Variants in AGPAT4 observed in about 807,000 individuals in gnomAD.
The protein encoded by AGPAT4 is 1-acylglycerol-3-phosphate O-acyltransferase 4.
Under a neutral mutation model 48.0 loss-of-function variants are expected in AGPAT4, and 15 were observed. That is an observed-to-expected ratio of 0.31 (90% CI 0.21 to 0.48). The LOEUF (loss-of-function observed/expected upper bound fraction) is 0.48, where lower values mean the gene tolerates loss of function less well. Among genes scored for constraint, AGPAT4 ranks in the 20% least tolerant of loss-of-function variants. The probability of loss-of-function intolerance (pLI) is 0.99; values close to 1 mark genes in which losing one functional copy is unlikely to be tolerated. For synonymous variants in AGPAT4, 178 were observed against 198.7 expected (o/e 0.90, Z 0.88); for missense variants, 314 against 482.5 (o/e 0.65, Z 3.27).
chr6:161,151,979 C>T (rs976614212), intron 5 of AGPAT4, among the ~76,000 whole-genome samples: 1 of 152,236 alleles, frequency 6.6e-6, no homozygotes, highest in Non-Finnish European at 1.5e-5. Flanking sequence ...CCCTCTGTGC[C>T]GCTGACCTTC....
rs141420974 is a variant in AGPAT4 at position 161,242,760 on chromosome 6, C to T, written c.-89-10458G>A. ...TTCCAAACAGGGGAAACGTCCACAA[C>T]ATTATATTCTGGTTAATAAGGAAAC... On this transcript the variant is annotated intron_variant, in intron 1 of 8. Transcript: ENST00000320285. The surrounding 1 kb of genome is among the most constrained non-coding windows in gnomAD (Gnocchi z 5.0). Among the ~76,000 whole-genome samples, 73 of 152,236 alleles carry T rather than the reference C, an allele frequency of 4.8e-4. No individual in the cohort carries two copies. Among genetic ancestry groups the T allele is most frequent in the Middle Eastern group, 3.4e-3 (1 of 294 alleles).
chr6:161,182,351 A>C (rs1481948620), intron 2 of AGPAT4, among the ~76,000 whole-genome samples: 2 of 115,254 alleles, frequency 1.7e-5, no homozygotes, highest in African/African-American at 6.8e-5. Flanking sequence ...CTATCCCCTC[A>C]CCCCAGCCCT....
intron 1 of AGPAT4, among the ~76,000 whole-genome samples, chr6:161,263,697 C>A (rs904768925): frequency 3.9e-5 from 6 of 152,108 alleles, no homozygotes; most frequent in Non-Finnish European, 8.8e-5. Context: ...AGATGGAGTC[C>A]AAATGAGGAT....
rs981392870 is a variant in AGPAT4 at position 161,236,042 on chromosome 6, T to C, written c.-89-3740A>G. 2.0e-5 allele frequency among the ~76,000 whole-genome samples: 3 copies of C among 152,120 alleles called. No individual in the cohort carries two copies. The highest frequency in any genetic ancestry group is 7.2e-5 in the African/African-American group (3 of 41,430). On this transcript the variant is annotated intron_variant, in intron 1 of 8. Transcript: ENST00000320285. The surrounding 1 kb of genome is among the most constrained non-coding windows in gnomAD (Gnocchi z 5.0). Reference sequence around the variant, plus strand: ...ATAAATATCTGGCCAGCGATGAAAATAGCTGGAGAGAAACATTTTAAAAAT... The same window carrying C: ...ATAAATATCTGGCCAGCGATGAAAACAGCTGGAGAGAAACATTTTAAAAAT...
rs772127747 is a variant in AGPAT4, at chr6:161,255,132, T to C, written c.-90+18806A>G. 1.3e-5 allele frequency among the ~76,000 whole-genome samples: 2 copies of C among 152,232 alleles called. No individual in the cohort carries two copies. The highest frequency in any genetic ancestry group is 2.4e-5 in the African/African-American group (1 of 41,464). The stretch of plus-strand genomic sequence containing the variant: ...ACCACCACAGGGCCCTGCTCCCAGC[T>C]ACTTCATCTTTCCCTGTAATACCTC... On this transcript the variant is annotated intron_variant, in intron 1 of 8. Coordinates refer to ENST00000320285, the MANE Select transcript of AGPAT4 (RefSeq NM_020133.3). The surrounding 1 kb of genome is among the most constrained non-coding windows in gnomAD (Gnocchi z 4.7).
chr6:161,182,623 G>A (rs1291454265), intron 2 of AGPAT4, among the ~76,000 whole-genome samples: 1 of 152,234 alleles, frequency 6.6e-6, no homozygotes, highest in Admixed American at 6.5e-5. Context: ...AGCCTGGAGT[G>A]CTCTCTGGAG....
intron 1 of AGPAT4, among the ~76,000 whole-genome samples, chr6:161,253,446 G>A (rs954933828): frequency 6.6e-6 from 1 of 151,244 alleles, no homozygotes; most frequent in Non-Finnish European, 1.5e-5. Flanking sequence ...AGTAGAGACG[G>A]GGTTTCACGG....
Position 161,154,066 on chromosome 6 carries a change from T to C in AGPAT4, c.510+83A>G. The C allele has an allele frequency of 6.4e-7, 1 of 1,553,252 alleles. No homozygotes were observed. Among genetic ancestry groups the C allele is most frequent in the South Asian group, 1.1e-5 (1 of 88,938 alleles). Reference sequence around the variant, plus strand: ...AGTCGCACAGGACCACACAGTCACGTGTCCTGTGGAAGTCACATGGGGGTC... The same window carrying C: ...AGTCGCACAGGACCACACAGTCACGCGTCCTGTGGAAGTCACATGGGGGTC... On this transcript the variant is annotated intron_variant, in intron 4 of 8. Transcript: ENST00000320285. The surrounding 1 kb of genome is among the most constrained non-coding windows in gnomAD (Gnocchi z 7.8).
At position 161,140,900 on chromosome 6, in the gene AGPAT4, CA is replaced by C. The variant is rs531024630; in HGVS notation, c.844-1281del. Among the ~76,000 whole-genome samples, 542 of 152,302 alleles carry C rather than the reference CA, an allele frequency of 3.6e-3. 3 individuals carry two copies. Among genetic ancestry groups the C allele is most frequent in the African/African-American group, 0.012 (513 of 41,556 alleles). ...AATGGGTGTGGGTCACAGTGAGGCC[CA>C]GTTTGTGTCCCATGAACTAGCCTAG... On this transcript the variant is annotated intron_variant, in intron 7 of 8. Transcript: ENST00000320285. This position sits in a 1 kb window ranked among gnomAD's most constrained non-coding sequence, Gnocchi z 6.5.
At position 161,261,296 on chromosome 6, in the gene AGPAT4, G is replaced by C. The variant is rs1465706844; in HGVS notation, c.-90+12642C>G. On this transcript the variant is annotated intron_variant, in intron 1 of 8. Transcript: ENST00000320285. This position sits in a 1 kb window ranked among gnomAD's most constrained non-coding sequence, Gnocchi z 5.3. ...AGTCCATGAGACAAACAACAGAAAAGACCCGGCACAGTCCTGGGCCACATG... is the reference window on the plus strand; with the variant it reads ...AGTCCATGAGACAAACAACAGAAAACACCCGGCACAGTCCTGGGCCACATG... Among the ~76,000 whole-genome samples, 5 of 152,250 alleles carry C rather than the reference G, an allele frequency of 3.3e-5. No homozygotes were observed. In the South Asian group the frequency reaches 8.3e-4, roughly 25 times the overall value.
chr6:161,152,518 G>A (rs1053534977), intron 5 of AGPAT4, among the ~76,000 whole-genome samples: 1 of 152,196 alleles, frequency 6.6e-6, no homozygotes, highest in Non-Finnish European at 1.5e-5. Context: ...GTCCTGGTAG[G>A]GGGTCAGCCA....
At chr6:161,199,898 C>T (rs1781178662) in intron 2 of AGPAT4, among the ~76,000 whole-genome samples, 1 of 152,164 alleles carries the variant, frequency 6.6e-6, no homozygotes, top group Admixed American at 6.5e-5. Context: ...CTCTTCATAG[C>T]AGTGTGAGAA....
Position 161,188,803 on chromosome 6 carries a change from G to A in AGPAT4, c.179-22386C>T, listed in dbSNP as rs557846104. Among the ~76,000 whole-genome samples the A allele has an allele frequency of 7.9e-5, 12 of 152,258 alleles. No homozygotes were observed. The South Asian group carries it at 1.0e-3, about 13-fold the overall frequency. On this transcript the variant is annotated intron_variant, in intron 2 of 8. Coordinates refer to ENST00000320285, the MANE Select transcript of AGPAT4 (RefSeq NM_020133.3). ...CCTCTGGGTTGAGCAGCCAGCGGCC[G>A]TCGAATGGGGCTTCCGTAAACATCA...
At chr6:161,269,089 GT>G (rs1783349915) in intron 1 of AGPAT4, among the ~76,000 whole-genome samples, 4 of 152,186 alleles carry the variant, frequency 2.6e-5, no homozygotes, top group Non-Finnish European at 5.9e-5. Context: ...GACGCAGGTA[GT>G]TTTTCTTTTT....
intron 2 of AGPAT4, among the ~76,000 whole-genome samples, chr6:161,167,513 T>C (rs895543198): frequency 6.6e-6 from 1 of 152,192 alleles, no homozygotes; most frequent in African/African-American, 2.4e-5. Flanking sequence ...CGTGAGCCAC[T>C]GCACTGGGCC....
intron 2 of AGPAT4, among the ~76,000 whole-genome samples, chr6:161,190,811 A>C (rs1780902907): frequency 6.6e-6 from 1 of 152,218 alleles, no homozygotes; most frequent in South Asian, 2.1e-4. Context: ...GAAATAAACT[A>C]ATCATTAAAA....
At chr6:161,191,316 T>C (rs1008999745) in intron 2 of AGPAT4, among the ~76,000 whole-genome samples, 7 of 152,222 alleles carry the variant, frequency 4.6e-5, no homozygotes, top group African/African-American at 1.7e-4. Flanking sequence ...CCCACTGTGC[T>C]GTGCTGCAAA....
Position 161,200,858 on chromosome 6 carries a change from A to G in AGPAT4, c.178+31178T>C, listed in dbSNP as rs1781220669. Among the ~76,000 whole-genome samples the G allele has an allele frequency of 6.6e-6, 1 of 152,212 alleles. No individual in the cohort carries two copies. Among genetic ancestry groups the G allele is most frequent in the South Asian group, 2.1e-4 (1 of 4,830 alleles). ...CTGATCCATCCAAACTCATAAACACAGATACCCTCTATTGCCTCATTTTAG... is the reference window on the plus strand; with the variant it reads ...CTGATCCATCCAAACTCATAAACACGGATACCCTCTATTGCCTCATTTTAG... On this transcript the variant is annotated intron_variant, in intron 2 of 8. Coordinates refer to ENST00000320285, the MANE Select transcript of AGPAT4 (RefSeq NM_020133.3). This position sits in a 1 kb window ranked among gnomAD's most constrained non-coding sequence, Gnocchi z 5.5.
In AGPAT4 at chr6:161,216,847, T is replaced by G. The variant is rs1781660490; in HGVS notation, c.178+15189A>C. 6.6e-6 allele frequency among the ~76,000 whole-genome samples: 1 copy of G among 152,070 alleles called. No individual in the cohort carries two copies. The highest frequency in any genetic ancestry group is 2.1e-4 in the South Asian group (1 of 4,826). On this transcript the variant is annotated intron_variant, in intron 2 of 8. Transcript: ENST00000320285. This position sits in a 1 kb window ranked among gnomAD's most constrained non-coding sequence, Gnocchi z 4.8. ...TGGCCCTCATGATTCAACTACCTCCTCTTAGGTCCCTCCCACAATACGTGG... is the reference window on the plus strand; with the variant it reads ...TGGCCCTCATGATTCAACTACCTCCGCTTAGGTCCCTCCCACAATACGTGG...
Sources: allele counts gnomAD v4.1 joint callset (sites outside exome capture counted in the v4.1 genomes callset), GRCh38; gene constraint gnomAD v4.1.1; non-coding constraint Gnocchi (gnomAD v3.1); transcripts MANE v1.5; gene names NCBI Gene and HGNC (gene_info 2026-07-23, HGNC 2026-07-21).